Variants in DLG1 observed in about 807,000 individuals in gnomAD.
DLG1 encodes the protein disks large homolog 1.
Under a neutral mutation model 123.4 loss-of-function variants are expected in DLG1, and 42 were observed. That is an observed-to-expected ratio of 0.34 (90% CI 0.27 to 0.44). DLG1 has a LOEUF of 0.44. DLG1 is among the 20% of genes least tolerant of loss of function. The probability of loss-of-function intolerance (pLI) is 1.00; values close to 1 mark genes in which losing one functional copy is unlikely to be tolerated. For synonymous variants in DLG1, 317 were observed against 356.2 expected (o/e 0.89, Z 1.24); for missense variants, 942 against 1,082.6 (o/e 0.87, Z 1.82).
At chr3:197,218,934 C>T (rs189582970) in intron 4 of DLG1, among the ~76,000 whole-genome samples, 1 of 152,256 alleles carries the variant, frequency 6.6e-6, no homozygotes, top group East Asian at 1.9e-4. Flanking sequence ...GAATTCAAGT[C>T]CAGCCTGACC....
intron 4 of DLG1, among the ~76,000 whole-genome samples, chr3:197,272,113 A>G (rs1365618996): frequency 1.3e-5 from 2 of 152,254 alleles, no homozygotes; most frequent in African/African-American, 2.4e-5. Context: ...TCTTTGCAAC[A>G]CACTCCTATA....
At chr3:197,192,741 G>A (rs975371856) in intron 5 of DLG1, among the ~76,000 whole-genome samples, 1 of 152,138 alleles carries the variant, frequency 6.6e-6, no homozygotes, top group East Asian at 1.9e-4. Context: ...TATAAGAACA[G>A]AGGGGTAAGG....
intron 17 of DLG1, chr3:197,078,483 G>A (rs1748760839): frequency 6.6e-6 from 1 of 151,964 alleles, no homozygotes; most frequent in Non-Finnish European, 1.5e-5. Context: ...CAGTTCATTA[G>A]CCAAGCAGAC....
chr3:197,066,001 T>G (rs1739280792), intron 20 of DLG1, among the ~76,000 whole-genome samples, 192 bp from the exon 21 acceptor site: 1 of 152,228 alleles, frequency 6.6e-6, no homozygotes, highest in Non-Finnish European at 1.5e-5. Context: ...TAAACTTTAC[T>G]TAGTCTTCTG....
At chr3:197,088,829 G>A (rs765558932) in intron 15 of DLG1, among the ~76,000 whole-genome samples, 7 of 152,180 alleles carry the variant, frequency 4.6e-5, no homozygotes, top group Non-Finnish European at 8.8e-5. Flanking sequence ...TTAAGTCCAG[G>A]AAAAATGAAG....
chr3:197,133,941 A>G (rs1401480241), intron 10 of DLG1, among the ~76,000 whole-genome samples: 1 of 152,244 alleles, frequency 6.6e-6, no homozygotes, highest in African/African-American at 2.4e-5. Flanking sequence ...AGCCTCACTA[A>G]AAGTTGATTT....
chr3:197,133,368 T>C (rs1170105304), intron 10 of DLG1, among the ~76,000 whole-genome samples: 1 of 152,164 alleles, frequency 6.6e-6, no homozygotes, highest in African/African-American at 2.4e-5. Context: ...TTGCCCACCA[T>C]ATGTGTCAGC....
chr3:197,066,724 T>A lies in DLG1; in HGVS notation c.2078A>T (p.Glu693Val). 1 of 1,606,320 alleles carries A rather than the reference T, an allele frequency of 6.2e-7. No individual in the cohort carries two copies. The highest frequency in any genetic ancestry group is 8.5e-7 in the Non-Finnish European group (1 of 1,174,082). ...CAAACCTTCTTGTTGATTCACTGGTTCATAAGATAAGACGTATTCTTCTTG... is the reference window on the plus strand; with the variant it reads ...CAAACCTTCTTGTTGATTCACTGGTACATAAGATAAGACGTATTCTTCTTG... ...RGQEEYVLSY[E>V]PVNQQEVNYT... Residue 693 changes from glutamate (E) to valine (V), a missense_variant, in exon 20 of 25, where the codon GAA becomes GTA. Glu to Val is a moderately radical substitution (Grantham distance 121). Coordinates refer to ENST00000667157, the MANE Select transcript of DLG1 (RefSeq NM_001366207.1).
intron 22 of DLG1, among the ~76,000 whole-genome samples, chr3:197,062,079 T>G (rs1020172748): frequency 2.7e-5 from 4 of 149,688 alleles, no homozygotes; most frequent in African/African-American, 5.1e-5. Flanking sequence ...ATCCACTTAC[T>G]TACTCACATA....
At chr3:197,238,522 T>G (rs941367897) in intron 4 of DLG1, among the ~76,000 whole-genome samples, 3 of 152,006 alleles carry the variant, frequency 2.0e-5, no homozygotes, top group African/African-American at 7.3e-5. Flanking sequence ...AGACTCAATG[T>G]GAACAACAGA....
In DLG1 at chr3:197,265,107, G is replaced by A. The variant is rs1761119513; in HGVS notation, c.318+17572C>T. On this transcript the variant is annotated intron_variant, in intron 4 of 24. Transcript: ENST00000667157. ...TATCTGTAAGTACCCAACTGGCACT[G>A]AGTAAGGTACATTTCAAGCCTATGT... 2.0e-5 allele frequency among the ~76,000 whole-genome samples: 3 copies of A among 152,238 alleles called. No individual in the cohort carries two copies. In the South Asian group the frequency reaches 6.2e-4, roughly 31 times the overall value.
intron 13 of DLG1, among the ~76,000 whole-genome samples, chr3:197,108,854 GTTTATA>G (rs1768143637): frequency 6.6e-6 from 1 of 152,110 alleles, no homozygotes; most frequent in East Asian, 1.9e-4. Context: ...TGCTTAATCT[GTTTATA>G]TTTAATATAA....
intron 4 of DLG1, among the ~76,000 whole-genome samples, chr3:197,196,359 AG>A (rs1438918655): frequency 6.6e-6 from 1 of 152,182 alleles, no homozygotes; most frequent in Non-Finnish European, 1.5e-5. Context: ...ATGTTTTCAC[AG>A]ATGACTGCAA....
chr3:197,264,017 T>C (rs1364799800), intron 4 of DLG1, among the ~76,000 whole-genome samples: 1 of 152,198 alleles, frequency 6.6e-6, no homozygotes, highest in Non-Finnish European at 1.5e-5. Flanking sequence ...TACAAACCTG[T>C]AAGAATAAGA....
chr3:197,045,107 ATT>A (rs575412942), intron 24 of DLG1, among the ~76,000 whole-genome samples: 11 of 144,522 alleles, frequency 7.6e-5, no homozygotes, highest in Admixed American at 7.0e-5. Context: ...TGTAAGGATA[ATT>A]TTTTTTTTTT....
Position 197,065,744 on chromosome 3 carries a change from AGATCAAGT to A in DLG1, c.2156_2163del (p.Asp719ValfsTer5). 1 of 1,612,508 alleles carries A rather than the reference AGATCAAGT, an allele frequency of 6.2e-7. No homozygotes were observed. The highest frequency in any genetic ancestry group is 8.5e-7 in the Non-Finnish European group (1 of 1,179,052). ...GATCCAAATTTGTCAGGAAATTCTG[AGATCAAGT>A]CATCATTTATCCTGTCTTTCATAGG... On this transcript the variant is annotated frameshift_variant, in exon 21 of 25. Coordinates refer to ENST00000667157, the MANE Select transcript of DLG1 (RefSeq NM_001366207.1). LOFTEE classifies it high-confidence loss of function.
intron 4 of DLG1, among the ~76,000 whole-genome samples, chr3:197,233,415 C>A (rs184906704): frequency 8.9e-4 from 135 of 152,310 alleles, no homozygotes; most frequent in Non-Finnish European, 1.6e-3. Flanking sequence ...GAGACAGAGT[C>A]TAGCTCCATC....
chr3:197,049,529 C>T (rs933484833), intron 24 of DLG1, among the ~76,000 whole-genome samples: 6 of 151,836 alleles, frequency 4.0e-5, no homozygotes, highest in Admixed American at 1.3e-4. Flanking sequence ...CCAAGGCGGG[C>T]GGATCACCTG....
chr3:197,095,181 G>C (rs2149220075), intron 14 of DLG1, among the ~76,000 whole-genome samples: 1 of 152,124 alleles, frequency 6.6e-6, no homozygotes, highest in South Asian at 2.1e-4. Context: ...ACAGCAATTT[G>C]CCTTCTTGAT....
Sources: gnomAD v4.1 joint callset for allele counts (sites outside exome capture counted in the v4.1 genomes callset) on GRCh38, gnomAD v4.1.1 for gene constraint, MANE v1.5 for transcripts, NCBI Gene and HGNC (gene_info 2026-07-23, HGNC 2026-07-21) for gene names.